The following MAGI1 variants were observed in gnomAD, a reference collection of about 807,000 sequenced individuals.
MAGI1 encodes the protein membrane associated guanylate kinase, WW and PDZ domain containing 1, also known as membrane-associated guanylate kinase, WW and PDZ domain-containing protein 1.
MAGI1 carries 58 observed loss-of-function variants against 139.9 expected under a neutral mutation model. The ratio of observed to expected loss-of-function variants is 0.41; its 90% CI spans 0.34 to 0.52. The LOEUF (loss-of-function observed/expected upper bound fraction) is 0.52, where lower values mean the gene tolerates loss of function less well. Among genes scored for constraint, MAGI1 ranks in the 20% least tolerant of loss-of-function variants. MAGI1 has a pLI of 0.12. For synonymous variants in MAGI1, 812 were observed against 737.9 expected (o/e 1.10, Z -1.63); for missense variants, 1,874 against 1,901.6 (o/e 0.99, Z 0.27).
At chr3:65,781,454 T>C (rs1023677954) in intron 1 of MAGI1, among the ~76,000 whole-genome samples, 1 of 152,216 alleles carries the variant, frequency 6.6e-6, no homozygotes, top group Admixed American at 6.5e-5. Flanking sequence ...CCGGAGTACA[T>C]GTGCAGGATG....
intron 1 of MAGI1, among the ~76,000 whole-genome samples, chr3:65,829,542 G>C (rs1454472179): frequency 1.3e-5 from 2 of 152,192 alleles, no homozygotes; most frequent in Non-Finnish European, 2.9e-5. Flanking sequence ...CTGGTGCCTT[G>C]ATCTTGGACT....
At chr3:65,906,843 G>A (rs929100087) in intron 1 of MAGI1, among the ~76,000 whole-genome samples, 6 of 149,536 alleles carry the variant, frequency 4.0e-5, no homozygotes, top group Non-Finnish European at 5.9e-5. Flanking sequence ...CCAAGATCAC[G>A]CCATTGCACT....
chr3:65,478,559 G>T lies in MAGI1; in HGVS notation c.757+33C>A, dbSNP rs781220871. On this transcript the variant is annotated intron_variant, in intron 4 of 22. Transcript: ENST00000402939. ...AAGCCTCCTCGTCATCCCTTCCCCAGGTCCATTGAGGGCAACATGATCTGA... is the reference window on the plus strand; with the variant it reads ...AAGCCTCCTCGTCATCCCTTCCCCATGTCCATTGAGGGCAACATGATCTGA... The T allele has an allele frequency of 6.9e-6, 11 of 1,592,064 alleles. No individual in the cohort carries two copies. In the African/African-American group the frequency reaches 1.1e-4, roughly 16 times the overall value.
At chr3:66,004,511 G>A (rs2066912860) in intron 1 of MAGI1, among the ~76,000 whole-genome samples, 1 of 152,044 alleles carries the variant, frequency 6.6e-6, no homozygotes, top group Admixed American at 6.6e-5. Flanking sequence ...GCATTTTTAC[G>A]GTCCTGCCTC....
chr3:65,713,719 T>C (rs562174168), intron 1 of MAGI1, among the ~76,000 whole-genome samples: 5 of 152,188 alleles, frequency 3.3e-5, no homozygotes, highest in Middle Eastern at 3.2e-3. Context: ...ATTCAGTAAG[T>C]ATTTTGTGTG....
At chr3:65,538,522 T>C (rs2079060605) in intron 2 of MAGI1, among the ~76,000 whole-genome samples, 1 of 152,200 alleles carries the variant, frequency 6.6e-6, no homozygotes, top group South Asian at 2.1e-4. Context: ...GTTAAATTTA[T>C]ACCAAGTTAG....
intron 3 of MAGI1, among the ~76,000 whole-genome samples, chr3:65,486,081 G>A (rs1019910035): frequency 6.6e-6 from 1 of 152,092 alleles, no homozygotes; most frequent in Non-Finnish European, 1.5e-5. Flanking sequence ...AGACAGTCTC[G>A]CTTTCTTTAA....
chr3:65,621,358 A>T (rs1399587554), intron 2 of MAGI1, among the ~76,000 whole-genome samples: 1 of 152,140 alleles, frequency 6.6e-6, no homozygotes, highest in Non-Finnish European at 1.5e-5. Context: ...CAGCATTCCT[A>T]TGTTCTGTGT....
chr3:65,381,934 G>T lies in MAGI1; in HGVS notation c.2644C>A (p.Gln882Lys), dbSNP rs1260723907. Residue 882 changes from glutamine (Q) to lysine (K), a missense_variant, in exon 16 of 23, where the codon CAA becomes AAA. Coordinates refer to ENST00000402939, the MANE Select transcript of MAGI1 (RefSeq NM_001033057.2). ...SHQLVVQLMQQAAKQGHVNLT... is the reference protein window; with the variant it reads ...SHQLVVQLMQKAAKQGHVNLT... ...TTGACGTGGCCTTGCTTGGCAGCTT[G>T]TTGCATAAGCTGGACCACAAGCTGG... 17 of 1,613,946 alleles carry T rather than the reference G, an allele frequency of 1.1e-5. No homozygotes were observed. Among genetic ancestry groups the T allele is most frequent in the Non-Finnish European group, 1.4e-5 (17 of 1,180,024 alleles).
chr3:65,975,765 G>A (rs1168533349), intron 1 of MAGI1, among the ~76,000 whole-genome samples: 11 of 152,162 alleles, frequency 7.2e-5, no homozygotes, highest in South Asian at 4.1e-4. Context: ...CTTGGACTAA[G>A]ATTAAGTCAT....
At chr3:65,434,041 C>A (rs1016649232) in intron 10 of MAGI1, among the ~76,000 whole-genome samples, 1 of 152,098 alleles carries the variant, frequency 6.6e-6, no homozygotes, top group African/African-American at 2.4e-5. Flanking sequence ...GGCTTCCATA[C>A]CGAACAGCAT....
At chr3:65,934,038 A>G (rs1021415498) in intron 1 of MAGI1, among the ~76,000 whole-genome samples, 73 of 152,028 alleles carry the variant, frequency 4.8e-4, no homozygotes, top group Non-Finnish European at 1.2e-4. Context: ...GAGGCAGGAG[A>G]ATCACTTGAA....
Position 65,876,736 on chromosome 3 carries a change from T to A in MAGI1, c.313+161260A>T, listed in dbSNP as rs554981326. ...TTTGAATTTCTTAAGATTATCTGCA[T>A]GTATCATGCTTTTTTTTTTTTTTTT... is the stretch of plus-strand genomic sequence containing the variant. On this transcript the variant is annotated intron_variant, in intron 1 of 22. Coordinates refer to ENST00000402939, the MANE Select transcript of MAGI1 (RefSeq NM_001033057.2). Among the ~76,000 whole-genome samples, 7 of 150,516 alleles carry A rather than the reference T, an allele frequency of 4.7e-5. No individual in the cohort carries two copies. The South Asian group carries it at 1.5e-3, about 32-fold the overall frequency.
chr3:65,657,621 T>C (rs766834090), intron 1 of MAGI1, among the ~76,000 whole-genome samples: 1 of 152,180 alleles, frequency 6.6e-6, no homozygotes, highest in South Asian at 2.1e-4. Flanking sequence ...GTTGAATCCC[T>C]AGCAACTGGG....
intron 2 of MAGI1, among the ~76,000 whole-genome samples, chr3:65,554,567 G>A (rs539758700): frequency 6.6e-6 from 1 of 152,172 alleles, no homozygotes; most frequent in Non-Finnish European, 1.5e-5. Flanking sequence ...CACATGCAAA[G>A]AAGAAGCAAC....
At chr3:65,420,594 C>G (rs186356329) in intron 12 of MAGI1, among the ~76,000 whole-genome samples, 3 of 152,078 alleles carry the variant, frequency 2.0e-5, no homozygotes, top group Non-Finnish European at 4.4e-5. Context: ...ATGACAGGCA[C>G]GTGATGTTAA....
In MAGI1 at chr3:65,619,565, T is replaced by A. The variant is rs543185894; in HGVS notation, c.430+2407A>T. 6.6e-5 allele frequency among the ~76,000 whole-genome samples: 10 copies of A among 152,270 alleles called. No homozygotes were observed. The South Asian group carries it at 2.1e-3, about 32-fold the overall frequency. On this transcript the variant is annotated intron_variant, in intron 2 of 22. Transcript: ENST00000402939. The stretch of plus-strand genomic sequence containing the variant: ...GAATATACAGATTACACGAGCCCAT[T>A]TCCCTGCAGCACAGTTACATCATCA...
intron 1 of MAGI1, among the ~76,000 whole-genome samples, chr3:65,938,812 T>C (rs773624003): frequency 3.2e-4 from 48 of 152,204 alleles, no homozygotes; most frequent in Admixed American, 3.3e-4. Context: ...GAAATCATTT[T>C]ATTGTGATAG....
At chr3:65,970,414 G>A (rs2107176282) in intron 1 of MAGI1, among the ~76,000 whole-genome samples, 1 of 152,094 alleles carries the variant, frequency 6.6e-6, no homozygotes, top group African/African-American at 2.4e-5. Context: ...GGAGAGGAAT[G>A]GTGGTGACGA....
Sources: allele counts gnomAD v4.1 joint callset (sites outside exome capture counted in the v4.1 genomes callset), GRCh38; gene constraint gnomAD v4.1.1; transcripts MANE v1.5; gene names NCBI Gene and HGNC (gene_info 2026-07-23, HGNC 2026-07-21).